NOP58: variants seen among roughly 807,000 people sequenced by gnomAD.
The protein encoded by NOP58 is nucleolar protein 58.
NOP58 carries 44 observed loss-of-function variants against 71.2 expected under a neutral mutation model. That is an observed-to-expected ratio of 0.62 (90% CI 0.49 to 0.79). NOP58 has a LOEUF of 0.79. Ranked by LOEUF, NOP58 falls within the 30% of genes least tolerant of loss-of-function variation. The probability of loss-of-function intolerance (pLI) is 0.00; values close to 1 mark genes in which losing one functional copy is unlikely to be tolerated. For synonymous variants in NOP58, 228 were observed against 200.3 expected, an observed-to-expected ratio of 1.14 and a Z score of -1.17; for missense variants, 538 against 620.2, an observed-to-expected ratio of 0.87 and a Z score of 1.41.
intron 1 of NOP58, among the ~76,000 whole-genome samples, chr2:202,269,812 T>TTA (rs1688487011): frequency 6.6e-6 from 1 of 152,218 alleles, no homozygotes; most frequent in Non-Finnish European, 1.5e-5. Context: ...GCATAAGATT[T>TTA]TAGTCTTGCT....
At chr2:202,287,275 G>A (rs574567605) in intron 5 of NOP58, among the ~76,000 whole-genome samples, 1 of 152,062 alleles carries the variant, frequency 6.6e-6, no homozygotes, top group African/African-American at 2.4e-5. Context: ...CGCCATGTTG[G>A]CCAGGTTGGT....
intron 10 of NOP58, among the ~76,000 whole-genome samples, chr2:202,297,146 T>A (rs1468335616): frequency 2.0e-5 from 3 of 152,126 alleles, no homozygotes; most frequent in African/African-American, 4.8e-5. Context: ...AAATATTTTT[T>A]AAAAAAACCT....
chr2:202,281,016 A>G (rs1688692501), intron 3 of NOP58, among the ~76,000 whole-genome samples: 3 of 152,034 alleles, frequency 2.0e-5, no homozygotes, highest in Non-Finnish European at 4.4e-5. Flanking sequence ...TCATAATTCG[A>G]ATGGATATAC....
Position 202,291,862 on chromosome 2 carries a change from A to T in NOP58, c.780+592A>T, listed in dbSNP as rs968208834. On this transcript the variant is annotated intron_variant, in intron 8 of 14. Transcript: ENST00000264279. ...AGACAATTATGGATTGAGCCTTTTA[A>T]TTCTGAGTCTTATGTCTATATCTTG... Among the ~76,000 whole-genome samples, 139 of 148,500 alleles carry T rather than the reference A, an allele frequency of 9.4e-4. 1 individual carries two copies. The highest frequency in any genetic ancestry group is 3.2e-3 in the African/African-American group (131 of 40,616).
In NOP58 at chr2:202,292,524, G is replaced by T. The variant is rs62194071; in HGVS notation, c.781-253G>T. On this transcript the variant is annotated intron_variant, in intron 8 of 14. Coordinates refer to ENST00000264279, the MANE Select transcript of NOP58 (RefSeq NM_015934.5). The stretch of plus-strand genomic sequence containing the variant: ...GTGGTGGCGGGCCCCTGTAGTCCCA[G>T]CTACTCCAGAGGCTGAGGCAGGAGA... 0.052 allele frequency among the ~76,000 whole-genome samples: 7,966 copies of T among 152,026 alleles called. 279 individuals are homozygous for T. Among genetic ancestry groups the T allele is most frequent in the Non-Finnish European group, 0.079 (5,342 of 67,990 alleles).
intron 4 of NOP58, 39 bp from the exon 5 acceptor site, chr2:202,284,303 CTTT>C (rs751137102): frequency 1.3e-5 from 15 of 1,191,144 alleles, no homozygotes; most frequent in Non-Finnish European, 1.7e-5. Context: ...TCAGGAAAGT[CTTT>C]TTTTTTTTAA....
At chr2:202,300,440 AG>A in intron 13 of NOP58, 73 bp downstream of exon 13, 1 of 1,231,526 alleles carries the variant, frequency 8.1e-7, no homozygotes, top group Non-Finnish European at 1.1e-6. Flanking sequence ...GAGTCTTAAA[AG>A]TACATGCCAT....
intron 13 of NOP58, among the ~76,000 whole-genome samples, chr2:202,301,529 A>G (rs1237820704): frequency 2.0e-5 from 3 of 152,004 alleles, no homozygotes; most frequent in South Asian, 2.1e-4. Flanking sequence ...TTGGCCATCA[A>G]CCTTGACTTT....
chr2:202,302,956 G>A lies in NOP58; in HGVS notation c.1438G>A (p.Glu480Lys). Residue 480 changes from glutamate to lysine, a missense_variant, in exon 14 of 15, where the codon GAA becomes AAA. Physicochemically the swap from Glu to Lys is moderately conservative, Grantham distance 56 (BLOSUM62 1). Coordinates refer to ENST00000264279, the MANE Select transcript of NOP58 (RefSeq NM_015934.5). ...GGAAGAAGAAAAAGTGGCAGAAGAA[G>A]AAGAAACATCTGTGAAGAAGAAGAA... ...EEEEEKVAEE[E>K]ETSVKKKKKR... 1.9e-6 allele frequency: 3 copies of A among 1,608,284 alleles called. No individual in the cohort carries two copies. The highest frequency in any genetic ancestry group is 2.5e-6 in the Non-Finnish European group (3 of 1,178,992).
At chr2:202,297,788 T>G (rs1689017979) in intron 11 of NOP58, 57 bp from the exon 12 acceptor site, 6 of 1,028,836 alleles carry the variant, frequency 5.8e-6, no homozygotes, top group Non-Finnish European at 7.2e-6. Flanking sequence ...CTGTATAGTG[T>G]ATTATAAAGA....
chr2:202,277,021 C>G (rs1688604668), intron 2 of NOP58, among the ~76,000 whole-genome samples: 1 of 152,140 alleles, frequency 6.6e-6, no homozygotes, highest in South Asian at 2.1e-4. Context: ...GGCACGGTGG[C>G]TCACGCCTGT....
intron 9 of NOP58, among the ~76,000 whole-genome samples, chr2:202,293,783 C>A (rs1421447152): frequency 6.6e-6 from 1 of 151,918 alleles, no homozygotes; most frequent in African/African-American, 2.4e-5. Flanking sequence ...CCATGTTGGC[C>A]AGGCTGGTCT....
intron 7 of NOP58, 29 bp from the exon 8 acceptor site, chr2:202,291,096 C>T (rs114777347): frequency 6.6e-7 from 1 of 1,524,474 alleles, no homozygotes; most frequent in Middle Eastern, 1.8e-4. Flanking sequence ...AAGAGTGATT[C>T]TCCCTCATCC....
intron 7 of NOP58, 75 bp from the exon 8 acceptor site, chr2:202,291,045 TTTTTC>T: frequency 2.3e-6 from 3 of 1,308,344 alleles, no homozygotes; most frequent in Non-Finnish European, 3.1e-6. Context: ...GGCTTTCTAC[TTTTTC>T]TTTTGACTAT....
intron 1 of NOP58, among the ~76,000 whole-genome samples, chr2:202,268,357 ACC>A (rs1223742339): frequency 2.0e-5 from 3 of 151,574 alleles, no homozygotes; most frequent in African/African-American, 7.3e-5. Context: ...ACATGGTGAA[ACC>A]CCGTCTCTAC....
chr2:202,284,611 T>C (rs1481790632), intron 5 of NOP58, 130 bp downstream of exon 5: 4 of 935,124 alleles, frequency 4.3e-6, no homozygotes, highest in Non-Finnish European at 6.3e-6. Flanking sequence ...GATAGTAATA[T>C]CCTCATTTAC....
chr2:202,267,838 C>T (rs1237819802), intron 1 of NOP58, among the ~76,000 whole-genome samples: 1 of 152,166 alleles, frequency 6.6e-6, no homozygotes, highest in East Asian at 1.9e-4. Flanking sequence ...GAAAAGTGTC[C>T]TCCTCCATGA....
At chr2:202,272,294 A>C (rs946983113) in intron 1 of NOP58, among the ~76,000 whole-genome samples, 1 of 151,780 alleles carries the variant, frequency 6.6e-6, no homozygotes, top group African/African-American at 2.4e-5. Context: ...CTGGAACTAC[A>C]GGCGCCTTCC....
intron 4 of NOP58, among the ~76,000 whole-genome samples, chr2:202,283,067 A>C (rs1574381389): frequency 6.6e-6 from 1 of 152,076 alleles, no homozygotes; most frequent in East Asian, 1.9e-4. Context: ...CAGAAAATTA[A>C]CCGGGTGTGG....
Sources: allele counts gnomAD v4.1 joint callset (sites outside exome capture counted in the v4.1 genomes callset), GRCh38; gene constraint gnomAD v4.1.1; transcripts MANE v1.5; gene names NCBI Gene and HGNC (gene_info 2026-07-23, HGNC 2026-07-21).